IGDCC4: variants seen among roughly 807,000 people sequenced by gnomAD.
IGDCC4 encodes immunoglobulin superfamily DCC subclass member 4.
In IGDCC4, 72 loss-of-function variants were observed where a neutral mutation model predicts 116.6. That is an observed-to-expected ratio of 0.62 (90% confidence interval 0.51 to 0.75). The LOEUF is 0.75. IGDCC4 is among the 30% of genes least tolerant of loss of function. The probability of loss-of-function intolerance (pLI) is 0.00; values close to 1 mark genes in which losing one functional copy is unlikely to be tolerated. For synonymous variants in IGDCC4, 709 were observed against 719.9 expected, an observed-to-expected ratio of 0.98 and a Z score of 0.24; for missense variants, 1,501 against 1,662.4, an observed-to-expected ratio of 0.90 and a Z score of 1.69.
intron 1 of IGDCC4, among the ~76,000 whole-genome samples, chr15:65,415,894 C>T (rs1346762156): frequency 2.0e-5 from 3 of 152,110 alleles, no homozygotes; most frequent in Non-Finnish European, 4.4e-5. Context: ...ACTTGCAGGT[C>T]CCTTACTCTT....
chr15:65,415,250 C>T (rs554814049), intron 1 of IGDCC4, among the ~76,000 whole-genome samples: 1 of 152,306 alleles, frequency 6.6e-6, no homozygotes, highest in South Asian at 2.1e-4. Flanking sequence ...CCTCCCTGCC[C>T]CCTAAAGCAT....
Position 65,410,992 on chromosome 15 carries a change from C to A in IGDCC4, c.421+28G>T, listed in dbSNP as rs760150027. 2.1e-4 allele frequency: 336 copies of A among 1,565,132 alleles called. 1 individual carries two copies. Among genetic ancestry groups the A allele is most frequent in the Middle Eastern group, 1.6e-3 (9 of 5,506 alleles). ...ACACCCCAAGTCTGGGTTTCAGCCT[C>A]AGACCCCCGCCCGATGCAAGCACTT... On this transcript the variant is annotated intron_variant, in intron 2 of 19. Coordinates refer to ENST00000352385, the MANE Select transcript of IGDCC4 (RefSeq NM_020962.3).
At position 65,394,473 on chromosome 15, in the gene IGDCC4, G is replaced by A; in HGVS notation, c.1652C>T (p.Pro551Leu). The change falls in exon 9 of 20, where the codon CCC (proline) becomes CTC (leucine). Residue 551 changes from proline (P) to leucine (L), a missense_variant. Around this residue, in one of 3 missense-constraint regions of IGDCC4, gnomAD observed 898 missense variants for 978.9 expected, o/e 0.92. Transcript: ENST00000352385. ...SDIRVAWLPL[P>L]PSLSNGQVVK... ...CACCTGCCCATTGCTCAGGCTGGGG[G>A]GCAGGGGCAGCCACGCCACCCTGAT... 6.2e-7 allele frequency: 1 copy of A among 1,614,016 alleles called. No homozygotes were observed. The highest frequency in any genetic ancestry group is 1.3e-5 in the African/African-American group (1 of 75,018).
rs768513950 is a variant in IGDCC4, at chr15:65,395,239, G to A, written c.1431C>T (p.Tyr477=). The change falls in exon 8 of 20, where the codon TAC becomes TAT. Residue 477 remains tyrosine (Y), a synonymous_variant. Transcript: ENST00000352385. ...QKARGMDNVE[Y]QFAVNNDTTE... Reference sequence around the variant, plus strand: ...TGGTGTCGTTGTTCACTGCAAACTGGTATTCCACATTGTCCATGCCTGGTG... The same window carrying A: ...TGGTGTCGTTGTTCACTGCAAACTGATATTCCACATTGTCCATGCCTGGTG... 1 of 1,613,318 alleles carries A rather than the reference G, an allele frequency of 6.2e-7. No individual in the cohort carries two copies. Among genetic ancestry groups the A allele is most frequent in the Non-Finnish European group, 8.5e-7 (1 of 1,179,448 alleles).
Position 65,392,095 on chromosome 15 carries a change from G to A in IGDCC4, c.2122+39C>T, listed in dbSNP as rs1184110203. On this transcript the variant is annotated intron_variant, in intron 11 of 19. Transcript: ENST00000352385. ...CACAACTTGCCCAGTCCCCACTGAA[G>A]CTACATCCCTCCCTCCCCCTCCCCC... 2.0e-6 allele frequency: 3 copies of A among 1,516,428 alleles called. No individual in the cohort carries two copies. In the East Asian group the frequency reaches 6.9e-5, roughly 35 times the overall value. 93.9% of individuals were successfully genotyped at this position (1,516,428 alleles called of 1,614,324 possible).
intron 1 of IGDCC4, among the ~76,000 whole-genome samples, chr15:65,420,190 G>A (rs1189987484): frequency 1.3e-5 from 2 of 152,032 alleles, no homozygotes; most frequent in African/African-American, 4.8e-5. Context: ...CACGTGATCC[G>A]CCCGCCTTGG....
In IGDCC4 at chr15:65,383,870, C is replaced by A; in HGVS notation, c.*139G>T. ...GTGAATAATCCATGTTTTCCTCTCC[C>A]CTCAGCCAAAGCAACTTAGGAAGCT... On this transcript the variant is annotated 3_prime_UTR_variant, in exon 20 of 20. Transcript: ENST00000352385. The A allele has an allele frequency of 1.4e-6, 1 of 732,000 alleles. No individual in the cohort carries two copies. Among genetic ancestry groups the A allele is most frequent in the Non-Finnish European group, 2.1e-6 (1 of 472,182 alleles). 45.3% of individuals were successfully genotyped at this position (732,000 alleles called of 1,614,324 possible).
chr15:65,416,957 G>A (rs1213592070), intron 1 of IGDCC4, among the ~76,000 whole-genome samples: 3 of 152,062 alleles, frequency 2.0e-5, no homozygotes, highest in Non-Finnish European at 2.9e-5. Context: ...GAGGCCTGGC[G>A]TGAGTTCCAT....
intron 11 of IGDCC4, 39 bp from the exon 12 acceptor site, chr15:65,392,020 C>G (rs1289335030): frequency 6.4e-7 from 1 of 1,571,296 alleles, no homozygotes; most frequent in East Asian, 2.3e-5. Flanking sequence ...AGGGGGACAT[C>G]TGGGGTCACT....
At chr15:65,405,662 G>A (rs1053405241) in intron 3 of IGDCC4, among the ~76,000 whole-genome samples, 4 of 152,172 alleles carry the variant, frequency 2.6e-5, no homozygotes, top group South Asian at 2.1e-4. Context: ...ACCCATATAC[G>A]TATTTCAAAA....
intron 7 of IGDCC4, among the ~76,000 whole-genome samples, 189 bp from the exon 8 acceptor site, chr15:65,395,447 G>A (rs566519450): frequency 6.6e-6 from 1 of 152,238 alleles, no homozygotes; most frequent in Non-Finnish European, 1.5e-5. Flanking sequence ...CCACTGGTTA[G>A]GGAGTGCTTT....
rs754744125 is a variant in IGDCC4, at chr15:65,391,937, G to C, written c.2167C>G (p.His723Asp). 2 of 1,613,724 alleles carry C rather than the reference G, an allele frequency of 1.2e-6. No individual in the cohort carries two copies. Among genetic ancestry groups the C allele is most frequent in the South Asian group, 2.2e-5 (2 of 91,020 alleles). The change falls in exon 12 of 20, where the codon CAT (histidine) becomes GAT (aspartate). Residue 723 changes from histidine (H) to aspartate (D), a missense_variant. By Grantham distance (81) the His-to-Asp change is moderately conservative. Transcript: ENST00000352385. ...CACACTGCTGCATAGCCATCCTCAT[G>C]TTTGTTGAAAGCCACGAGCTTCACC... ...YEVKLVAFNK[H>D]EDGYAAVWKG...
chr15:65,403,958 G>C (rs2063016514), intron 3 of IGDCC4, among the ~76,000 whole-genome samples: 1 of 152,116 alleles, frequency 6.6e-6, no homozygotes, highest in African/African-American at 2.4e-5. Flanking sequence ...TCCCTACAGG[G>C]TCAGCTCCAG....
chr15:65,400,645 C>T (rs1057513901), intron 5 of IGDCC4, among the ~76,000 whole-genome samples, 161 bp downstream of exon 5: 1 of 152,176 alleles, frequency 6.6e-6, no homozygotes, highest in Admixed American at 6.5e-5. Flanking sequence ...CACGCAGCTC[C>T]GACCTTGACC....
chr15:65,410,875 G>C (rs969471383), intron 2 of IGDCC4, 145 bp downstream of exon 2: 2 of 628,578 alleles, frequency 3.2e-6, no homozygotes, highest in Non-Finnish European at 5.5e-6. Context: ...ACCAGGAAGA[G>C]ACCTATTGAG....
At chr15:65,396,216 G>GCCCCCCCCCCCCCCCCCCCCCCCCCCC in intron 6 of IGDCC4, 53 bp from the exon 7 acceptor site, 1 of 1,188,160 alleles carries the variant, frequency 8.4e-7, no homozygotes, top group South Asian at 1.7e-5. Context: ...TAAGGTCTCT[G>GCCCCCCCCCCCCCCCCCCCCCCCCCCC]CCCCCCCCCC....
chr15:65,418,721 C>T (rs1055793506), intron 1 of IGDCC4, among the ~76,000 whole-genome samples: 1 of 152,160 alleles, frequency 6.6e-6, no homozygotes, highest in Non-Finnish European at 1.5e-5. Flanking sequence ...CATGCTTACT[C>T]CTCCCCCTGC....
intron 16 of IGDCC4, 150 bp from the exon 17 acceptor site, chr15:65,386,806 C>G (rs2091465177): frequency 3.2e-6 from 2 of 628,292 alleles, no homozygotes; most frequent in Non-Finnish European, 5.6e-6. Context: ...ACAGGAGGGC[C>G]CTGAGCCTCA....
Position 65,385,756 on chromosome 15 carries a change from A to G in IGDCC4, c.3180+75T>C, listed in dbSNP as rs576790708. ...GAAGAGGAGGTAGAGCCATGCTCGC[A>G]TAGCCACGCGTTGTGCTCTGTCGCC... On this transcript the variant is annotated intron_variant, in intron 18 of 19. Transcript: ENST00000352385. 10 of 1,215,452 alleles carry G rather than the reference A, an allele frequency of 8.2e-6. No individual in the cohort carries two copies. The African/African-American group carries it at 8.9e-5, about 11-fold the overall frequency. The allele number at this position is 1,215,452 out of a possible 1,614,324, so 75.3% of individuals were successfully genotyped here.
Sources: gnomAD v4.1 joint callset for allele counts (sites outside exome capture counted in the v4.1 genomes callset) on GRCh38, gnomAD v4.1.1 for gene constraint, gnomAD v4.1.1 regional missense constraint, MANE v1.5 for transcripts, NCBI Gene and HGNC (gene_info 2026-07-23, HGNC 2026-07-21) for gene names.